Variants in CLMP observed in about 807,000 individuals in gnomAD.
CLMP encodes the protein CXADR-like membrane protein.
In CLMP, 27 loss-of-function variants were observed where a neutral mutation model predicts 45.2. That is an observed-to-expected ratio of 0.60 (90% confidence interval 0.44 to 0.82). The LOEUF (loss-of-function observed/expected upper bound fraction) is 0.82, where lower values mean the gene tolerates loss of function less well. Ranked by LOEUF, CLMP falls within the 40% of genes least tolerant of loss-of-function variation. The probability of loss-of-function intolerance (pLI) is 0.00; values close to 1 mark genes in which losing one functional copy is unlikely to be tolerated. For synonymous variants in CLMP, 167 were observed against 171.4 expected (o/e 0.97, Z 0.20); for missense variants, 403 against 448.4 (o/e 0.90, Z 0.91).
chr11:123,094,230 A>AT (rs1865965412), intron 2 of CLMP, among the ~76,000 whole-genome samples: 2 of 152,068 alleles, frequency 1.3e-5, no homozygotes, highest in Non-Finnish European at 2.9e-5. Flanking sequence ...CCTTAGCCTC[A>AT]TAAGTGGCTG....
intron 2 of CLMP, among the ~76,000 whole-genome samples, chr11:123,085,817 C>T (rs1032988769): frequency 6.7e-6 from 1 of 149,836 alleles, no homozygotes; most frequent in African/African-American, 2.5e-5. Flanking sequence ...ACTCTTGTCG[C>T]CCGGTCTGGA....
intron 1 of CLMP, among the ~76,000 whole-genome samples, chr11:123,130,596 C>T (rs1325521681): frequency 1.3e-5 from 2 of 152,238 alleles, no homozygotes; most frequent in Admixed American, 6.5e-5. Context: ...CCTTCACTGG[C>T]AGGCACCCAC....
At chr11:123,085,551 C>G (rs1464882439) in intron 2 of CLMP, among the ~76,000 whole-genome samples, 2 of 147,304 alleles carry the variant, frequency 1.4e-5, no homozygotes, top group East Asian at 4.0e-4. Context: ...GCCTGGCCTG[C>G]CTTCCATTCT....
At chr11:123,190,227 G>A (rs7939743) in intron 1 of CLMP, among the ~76,000 whole-genome samples, 18 of 152,034 alleles carry the variant, frequency 1.2e-4, no homozygotes, top group Non-Finnish European at 2.5e-4. Flanking sequence ...TAACAGTGCC[G>A]CAGGGCAGTT....
chr11:123,102,278 G>A (rs1288572217), intron 1 of CLMP, among the ~76,000 whole-genome samples: 1 of 138,706 alleles, frequency 7.2e-6, no homozygotes, highest in African/African-American at 2.7e-5. Context: ...TATCTTTCCA[G>A]GTTTTTTTTT....
At chr11:123,150,479 GAA>G (rs753532614) in intron 1 of CLMP, among the ~76,000 whole-genome samples, 5 of 106,514 alleles carry the variant, frequency 4.7e-5, no homozygotes, top group Non-Finnish European at 8.1e-5. Context: ...AAGAAAGAAA[GAA>G]AGGAAGGAAG....
chr11:123,177,261 G>A (rs748760249), intron 1 of CLMP, among the ~76,000 whole-genome samples: 7 of 152,152 alleles, frequency 4.6e-5, no homozygotes, highest in Non-Finnish European at 1.0e-4. Context: ...CTTTGATGCA[G>A]TGTGTATTTG....
In CLMP at chr11:123,167,584, C is replaced by T. The variant is rs111950266; in HGVS notation, c.28+27329G>A. The stretch of plus-strand genomic sequence containing the variant: ...ACAGGCATGAGCCACCACGCCCCGC[C>T]GAAAGACAGATGTCTTTTTAGTGAA... On this transcript the variant is annotated intron_variant, in intron 1 of 6. Coordinates refer to ENST00000448775, the MANE Select transcript of CLMP (RefSeq NM_024769.5). 3.0e-3 allele frequency among the ~76,000 whole-genome samples: 461 copies of T among 151,958 alleles called. 4 individuals are homozygous for T. Among genetic ancestry groups the T allele is most frequent in the African/African-American group, 0.01 (434 of 41,438 alleles).
chr11:123,125,518 CT>C, intron 1 of CLMP, among the ~76,000 whole-genome samples: 1 of 101,226 alleles, frequency 9.9e-6, no homozygotes, highest in African/African-American at 3.7e-5. Flanking sequence ...CTTCCCTTCC[CT>C]TCCCTTCCCT....
At chr11:123,131,772 C>G (rs778381512) in intron 1 of CLMP, among the ~76,000 whole-genome samples, 6 of 151,946 alleles carry the variant, frequency 3.9e-5, no homozygotes. Context: ...TGCGCCACCA[C>G]GTCCGGCTAA....
intron 1 of CLMP, among the ~76,000 whole-genome samples, chr11:123,129,360 TATATTATATAAAATATATATCATATG>T (rs1278685141): frequency 2.5e-5 from 3 of 121,242 alleles, no homozygotes; most frequent in African/African-American, 6.5e-5. Flanking sequence ...TATCATATGA[TATATTATATAAAATATATATCATATG>T]ATATATTATA....
rs1865666459 is a variant in CLMP, at chr11:123,071,106, A to AT, written c.*2367dup. The AT allele has an allele frequency of 6.6e-6, 1 of 151,954 alleles. No individual in the cohort carries two copies. Among genetic ancestry groups the AT allele is most frequent in the Non-Finnish European group, 1.5e-5 (1 of 68,004 alleles). 9.4% of individuals were successfully genotyped at this position (151,954 alleles called of 1,614,324 possible). On this transcript the variant is annotated 3_prime_UTR_variant, in exon 7 of 7. Transcript: ENST00000448775. Reference sequence around the variant, plus strand: ...GCTTTCATCACCACATTCAGCATCAATTTTTTTCTTTCCTCTAACCTGCTC... The same window carrying AT: ...GCTTTCATCACCACATTCAGCATCAATTTTTTTTCTTTCCTCTAACCTGCTC...
At chr11:123,102,662 G>A (rs7942854) in intron 1 of CLMP, among the ~76,000 whole-genome samples, 13,074 of 138,714 alleles carry the variant, frequency 0.094, 762 homozygotes, top group East Asian at 0.16. Context: ...TGCAACCTCC[G>A]CCTCCCAGGT....
chr11:123,098,802 G>T (rs1192015826), intron 1 of CLMP, among the ~76,000 whole-genome samples: 1 of 150,774 alleles, frequency 6.6e-6, no homozygotes, highest in Non-Finnish European at 1.5e-5. Flanking sequence ...CGTCCCCCAG[G>T]TTCAAGCGAT....
intron 1 of CLMP, among the ~76,000 whole-genome samples, chr11:123,191,978 T>A (rs1452682495): frequency 1.3e-5 from 2 of 152,158 alleles, no homozygotes; most frequent in African/African-American, 4.8e-5. Context: ...AGAAAAAAAG[T>A]ATATTCAGCT....
chr11:123,125,762 C>G (rs1341449838), intron 1 of CLMP, among the ~76,000 whole-genome samples: 3 of 151,574 alleles, frequency 2.0e-5, no homozygotes, highest in African/African-American at 4.9e-5. Context: ...TGCCACCACG[C>G]CTGGCTAATT....
At chr11:123,147,928 T>C (rs1861261706) in intron 1 of CLMP, among the ~76,000 whole-genome samples, 1 of 151,988 alleles carries the variant, frequency 6.6e-6, no homozygotes, top group South Asian at 2.1e-4. Flanking sequence ...CCCTCCCACC[T>C]TGGCCTCCCA....
intron 5 of CLMP, among the ~76,000 whole-genome samples, chr11:123,081,436 G>C (rs1865802837): frequency 6.7e-6 from 1 of 148,510 alleles, no homozygotes; most frequent in Non-Finnish European, 1.5e-5. Context: ...TGTGGATATA[G>C]GATTTGGTCA....
At chr11:123,149,790 CCTTT>C (rs56251948) in intron 1 of CLMP, among the ~76,000 whole-genome samples, 4 of 149,882 alleles carry the variant, frequency 2.7e-5, no homozygotes, top group Non-Finnish European at 4.4e-5. Flanking sequence ...TTTCTTTCTT[CCTTT>C]CTTTCTTTCT....
Sources: allele counts gnomAD v4.1 joint callset (sites outside exome capture counted in the v4.1 genomes callset), GRCh38; gene constraint gnomAD v4.1.1; transcripts MANE v1.5; gene names NCBI Gene and HGNC (gene_info 2026-07-23, HGNC 2026-07-21).